Variants in MYT1L observed in about 807,000 individuals in gnomAD.
MYT1L encodes myelin transcription factor 1 like.
A neutral mutation model predicts 126.7 loss-of-function variants in MYT1L; 12 were observed. The observed-to-expected ratio is 0.09, with a 90% CI of 0.06 to 0.15. MYT1L has a LOEUF of 0.15. Among genes scored for constraint, MYT1L ranks in the 10% least tolerant of loss-of-function variants. The pLI, the probability that MYT1L is intolerant of heterozygous loss-of-function variation, is 1.00. For synonymous variants in MYT1L, 541 were observed against 604.2 expected, an observed-to-expected ratio of 0.90 and a Z score of 1.53; for missense variants, 979 against 1,585.2, an observed-to-expected ratio of 0.62 and a Z score of 6.49.
At chr2:2,082,298 T>C (rs763061819) in intron 3 of MYT1L, among the ~76,000 whole-genome samples, 5 of 152,244 alleles carry the variant, frequency 3.3e-5, no homozygotes, top group Non-Finnish European at 4.4e-5. Flanking sequence ...GAAATGTCGA[T>C]GTGGGGATTG....
At chr2:2,077,081 A>G (rs1042396769) in intron 3 of MYT1L, among the ~76,000 whole-genome samples, 2 of 152,178 alleles carry the variant, frequency 1.3e-5, no homozygotes, top group Non-Finnish European at 2.9e-5. Flanking sequence ...AGAGAAGCTC[A>G]ATAACAAATT....
intron 4 of MYT1L, among the ~76,000 whole-genome samples, chr2:2,008,354 G>C (rs2063520982): frequency 6.6e-6 from 1 of 152,182 alleles, no homozygotes. Context: ...GCAATGCCCT[G>C]GTCTTCATTT....
At chr2:2,289,082 G>C (rs866670033) in intron 1 of MYT1L, among the ~76,000 whole-genome samples, 1 of 152,126 alleles carries the variant, frequency 6.6e-6, no homozygotes. Flanking sequence ...ACCAAACGGA[G>C]CCCACGATGA....
chr2:1,999,231 T>C (rs75462958), intron 4 of MYT1L, among the ~76,000 whole-genome samples: 2,462 of 152,296 alleles, frequency 0.016, 52 homozygotes, highest in South Asian at 0.093. Flanking sequence ...CATTTTCAGT[T>C]TCTAATTTCT....
intron 14 of MYT1L, chr2:1,902,843 C>T: frequency 1.9e-6 from 1 of 532,366 alleles, no homozygotes; most frequent in Non-Finnish European, 3.4e-6. Context: ...GCCGAGTGCG[C>T]TGTCTCGGAA....
chr2:1,905,378 G>A (rs1333264493), intron 13 of MYT1L, among the ~76,000 whole-genome samples: 3 of 150,952 alleles, frequency 2.0e-5, no homozygotes, highest in African/African-American at 7.3e-5. Flanking sequence ...TTTTTAAGAC[G>A]GAATTTTGCT....
At chr2:1,829,710 C>T (rs1204078444) in intron 21 of MYT1L, among the ~76,000 whole-genome samples, 14 of 108,864 alleles carry the variant, frequency 1.3e-4, no homozygotes, top group African/African-American at 2.4e-4. Context: ...TGAATTGACC[C>T]TCCCATACAC....
At chr2:1,866,436 G>C (rs1273784660) in intron 18 of MYT1L, among the ~76,000 whole-genome samples, 1 of 150,734 alleles carries the variant, frequency 6.6e-6, no homozygotes, top group Non-Finnish European at 1.5e-5. Flanking sequence ...GGCAGAGAGA[G>C]AGAGTGGGAG....
At chr2:2,215,823 T>C (rs1011517621) in intron 2 of MYT1L, among the ~76,000 whole-genome samples, 1 of 152,066 alleles carries the variant, frequency 6.6e-6, no homozygotes, top group African/African-American at 2.4e-5. Flanking sequence ...CCCCCAGTGT[T>C]GGAGGTGGTC....
At chr2:1,820,270 T>C (rs2038339158) in intron 21 of MYT1L, among the ~76,000 whole-genome samples, 1 of 152,200 alleles carries the variant, frequency 6.6e-6, no homozygotes, top group Non-Finnish European at 1.5e-5. Context: ...TTGTTCTATT[T>C]GATTCTTGTT....
intron 1 of MYT1L, chr2:2,323,928 G>A (rs1211488342): frequency 6.6e-6 from 1 of 152,108 alleles, no homozygotes; most frequent in Non-Finnish European, 1.5e-5. Flanking sequence ...CTCGATGCAC[G>A]GTTTCAGAAA....
chr2:1,983,626 C>G (rs987424523), intron 5 of MYT1L, among the ~76,000 whole-genome samples: 2 of 152,180 alleles, frequency 1.3e-5, no homozygotes, highest in Admixed American at 6.5e-5. Context: ...CTCTCCTACC[C>G]GCCTGAAAAG....
chr2:2,117,122 C>T (rs1270153751), intron 3 of MYT1L, among the ~76,000 whole-genome samples: 1 of 152,206 alleles, frequency 6.6e-6, no homozygotes, highest in Non-Finnish European at 1.5e-5. Flanking sequence ...CCCTCTGCCC[C>T]TGCCTTCAGT....
intron 3 of MYT1L, among the ~76,000 whole-genome samples, chr2:2,155,019 C>T (rs562866155): frequency 7.6e-4 from 115 of 152,018 alleles, no homozygotes; most frequent in Middle Eastern, 3.4e-3. Flanking sequence ...CCCAGCTACT[C>T]GGGAGGCTGA....
At chr2:2,311,944 A>G (rs2095979251) in intron 1 of MYT1L, among the ~76,000 whole-genome samples, 1 of 152,220 alleles carries the variant, frequency 6.6e-6, no homozygotes, top group Admixed American at 6.5e-5. Flanking sequence ...TACCTCACAG[A>G]GTGCAAATGA....
intron 1 of MYT1L, among the ~76,000 whole-genome samples, chr2:2,323,248 CA>C (rs1436552684): frequency 2.6e-5 from 4 of 151,896 alleles, no homozygotes; most frequent in Non-Finnish European, 5.9e-5. Flanking sequence ...CCCCTCCCCC[CA>C]AAAGTTGTAT....
At chr2:1,988,442 G>C (rs1287094844) in intron 5 of MYT1L, among the ~76,000 whole-genome samples, 2 of 152,202 alleles carry the variant, frequency 1.3e-5, no homozygotes, top group East Asian at 3.9e-4. Flanking sequence ...CCAGATTTCA[G>C]TGTCTTCATA....
chr2:2,167,062 A>G (rs960129021), intron 3 of MYT1L, among the ~76,000 whole-genome samples: 4 of 152,148 alleles, frequency 2.6e-5, no homozygotes, highest in African/African-American at 7.2e-5. Context: ...TGGCGAGGCA[A>G]GTGTGTCTTG....
At chr2:2,148,343 C>T (rs191238698) in intron 3 of MYT1L, among the ~76,000 whole-genome samples, 2 of 152,286 alleles carry the variant, frequency 1.3e-5, no homozygotes, top group Admixed American at 6.5e-5. Context: ...AACCTAGATC[C>T]CTCCTATGCT....
Sources: gnomAD v4.1 joint callset for allele counts (sites outside exome capture counted in the v4.1 genomes callset) on GRCh38, gnomAD v4.1.1 for gene constraint, MANE v1.5 for transcripts, NCBI Gene and HGNC (gene_info 2026-07-23, HGNC 2026-07-21) for gene names.